Variants in LMBR1 observed in about 807,000 individuals in gnomAD.
LMBR1 encodes the protein limb region 1 protein homolog.
Under a neutral mutation model 73.9 loss-of-function variants are expected in LMBR1, and 52 were observed. That is an observed-to-expected ratio of 0.70 (90% CI 0.56 to 0.89). The LOEUF is 0.89. LMBR1 is among the 40% of genes least tolerant of loss of function. The pLI, the probability that LMBR1 is intolerant of heterozygous loss-of-function variation, is 0.00. For synonymous variants in LMBR1, 215 were observed against 209.4 expected (o/e 1.03, Z -0.23); for missense variants, 539 against 579.8 (o/e 0.93, Z 0.72).
At chr7:156,719,322 T>C (rs1167197227) in intron 15 of LMBR1, among the ~76,000 whole-genome samples, 2 of 152,146 alleles carry the variant, frequency 1.3e-5, no homozygotes, top group Non-Finnish European at 2.9e-5. Flanking sequence ...CATCATTTCT[T>C]ATGGCTGCAT....
chr7:156,814,886 G>T (rs1435088725), intron 4 of LMBR1, among the ~76,000 whole-genome samples: 1 of 152,128 alleles, frequency 6.6e-6, no homozygotes, highest in Non-Finnish European at 1.5e-5. Flanking sequence ...GCCAAGCGCG[G>T]TGGTTCACAC....
chr7:156,761,976 C>CAAAAAAAA (rs552712592), intron 8 of LMBR1, among the ~76,000 whole-genome samples, 158 bp downstream of exon 8: 1 of 104,192 alleles, frequency 9.6e-6, no homozygotes, highest in Admixed American at 9.8e-5. Context: ...GACTCTGTCT[C>CAAAAAAAA]AAAAAAAAAA....
chr7:156,716,684 A>G (rs951968025), intron 15 of LMBR1, among the ~76,000 whole-genome samples: 4 of 152,196 alleles, frequency 2.6e-5, no homozygotes, highest in Non-Finnish European at 5.9e-5. Context: ...ATCCTTCTCA[A>G]ATAAAAGGAC....
At chr7:156,790,448 C>G in intron 5 of LMBR1, among the ~76,000 whole-genome samples, 1 of 151,972 alleles carries the variant, frequency 6.6e-6, no homozygotes, top group Admixed American at 6.6e-5. Context: ...AGATTGAAGT[C>G]CAGGTATTCT....
intron 1 of LMBR1, among the ~76,000 whole-genome samples, chr7:156,870,749 T>A (rs1473484834): frequency 6.8e-6 from 1 of 147,070 alleles, no homozygotes; most frequent in African/African-American, 2.5e-5. Context: ...AGAGCGAGAC[T>A]CTGTCACAAA....
chr7:156,883,409 A>G (rs528822883), intron 1 of LMBR1, among the ~76,000 whole-genome samples: 2 of 152,282 alleles, frequency 1.3e-5, no homozygotes, highest in African/African-American at 2.4e-5. Flanking sequence ...AGAAAAAAAA[A>G]AGGAGGACAG....
At chr7:156,856,309 T>G (rs1330173251) in intron 1 of LMBR1, among the ~76,000 whole-genome samples, 1 of 152,166 alleles carries the variant, frequency 6.6e-6, no homozygotes, top group African/African-American at 2.4e-5. Context: ...GCAAGAATTT[T>G]TTTTCTTTTT....
chr7:156,840,196 C>A (rs531327283), intron 1 of LMBR1, among the ~76,000 whole-genome samples: 3 of 152,266 alleles, frequency 2.0e-5, no homozygotes, highest in African/African-American at 7.2e-5. Context: ...TGGGACATAG[C>A]AGTGAACAAA....
At chr7:156,675,220 G>A (rs910817612), downstream of LMBR1, among the ~76,000 whole-genome samples, 5 of 152,218 alleles carry the variant, frequency 3.3e-5, no homozygotes, top group African/African-American at 1.2e-4. Context: ...AGAGGTCGTG[G>A]GGAAGCATGA....
At chr7:156,889,272 G>C (rs1487670691) in intron 1 of LMBR1, among the ~76,000 whole-genome samples, 1 of 152,094 alleles carries the variant, frequency 6.6e-6, no homozygotes, top group Non-Finnish European at 1.5e-5. Flanking sequence ...TGATGAAAAA[G>C]ATCTGGAAAT....
intron 15 of LMBR1, among the ~76,000 whole-genome samples, chr7:156,723,144 A>T (rs1229539196): frequency 5.1e-4 from 1 of 1,970 alleles, no homozygotes; most frequent in Admixed American, 8.6e-3. Flanking sequence ...TGGTCCCTTT[A>T]CATTTATACT....
At chr7:156,714,000 T>C (rs1469701595) in intron 15 of LMBR1, among the ~76,000 whole-genome samples, 1 of 152,200 alleles carries the variant, frequency 6.6e-6, no homozygotes, top group African/African-American at 2.4e-5. Flanking sequence ...AGTAAGTATG[T>C]AAGACATTTA....
At chr7:156,844,571 A>C (rs191143505) in intron 1 of LMBR1, among the ~76,000 whole-genome samples, 1 of 152,190 alleles carries the variant, frequency 6.6e-6, no homozygotes, top group African/African-American at 2.4e-5. Context: ...AAAAAGAAAA[A>C]AACAGTCCAG....
At chr7:156,674,626 G>T (rs929856532), downstream of LMBR1, among the ~76,000 whole-genome samples, 12 of 152,088 alleles carry the variant, frequency 7.9e-5, no homozygotes, top group African/African-American at 2.9e-4. Context: ...AGTGAGCATT[G>T]ATGGCCCCAA....
chr7:156,836,926 A>G (rs767317966), intron 1 of LMBR1, 41 bp from the exon 2 acceptor site: 7 of 1,316,270 alleles, frequency 5.3e-6, no homozygotes, highest in African/African-American at 3.0e-5. Context: ...ACTTTTTTGC[A>G]TATCTTTTTT....
At chr7:156,822,827 T>C (rs1475934682) in intron 4 of LMBR1, 1 of 152,116 alleles carries the variant, frequency 6.6e-6, no homozygotes. Context: ...AAAATATACA[T>C]GGGCTGGGCA....
chr7:156,722,928 T>C (rs867926808), intron 15 of LMBR1, among the ~76,000 whole-genome samples: 4 of 152,112 alleles, frequency 2.6e-5, no homozygotes, highest in African/African-American at 7.2e-5. Context: ...AATGATAGGT[T>C]GGCTGAAATA....
chr7:156,830,216 T>C (rs755823469), intron 3 of LMBR1, among the ~76,000 whole-genome samples: 1 of 152,182 alleles, frequency 6.6e-6, no homozygotes, highest in Non-Finnish European at 1.5e-5. Flanking sequence ...TCAATTTTTT[T>C]AAACAAAAAA....
At chr7:156,773,953 T>C (rs1042616051) in intron 5 of LMBR1, among the ~76,000 whole-genome samples, 4 of 152,042 alleles carry the variant, frequency 2.6e-5, no homozygotes, top group African/African-American at 7.3e-5. Context: ...GAGACAATAT[T>C]TGCAAACTAT....
Sources: gnomAD v4.1 joint callset for allele counts (sites outside exome capture counted in the v4.1 genomes callset) on GRCh38, gnomAD v4.1.1 for gene constraint, MANE v1.5 for transcripts, NCBI Gene and HGNC (gene_info 2026-07-23, HGNC 2026-07-21) for gene names.